Variants in CELF4 observed in about 807,000 individuals in gnomAD.
The protein encoded by CELF4 is CUG-BP- and ETR-3-like factor 4.
A neutral mutation model predicts 59.9 loss-of-function variants in CELF4; 18 were observed. The ratio of observed to expected loss-of-function variants is 0.30; its 90% CI spans 0.21 to 0.45. The LOEUF is 0.45. Ranked by LOEUF, CELF4 falls within the 20% of genes least tolerant of loss-of-function variation. The pLI is 1.00. For missense variants in CELF4, 456 were observed against 689.0 expected (o/e 0.66, Z 3.79); for synonymous variants, 261 against 267.1 (o/e 0.98, Z 0.22).
At chr18:37,363,315 C>T (rs1188122183) in intron 2 of CELF4, among the ~76,000 whole-genome samples, 1 of 152,198 alleles carries the variant, frequency 6.6e-6, no homozygotes, top group Non-Finnish European at 1.5e-5. Context: ...AAATTTATCA[C>T]CTACCAGGAC....
At chr18:37,460,403 C>T (rs1193286064) in intron 2 of CELF4, among the ~76,000 whole-genome samples, 5 of 152,298 alleles carry the variant, frequency 3.3e-5, no homozygotes, top group Admixed American at 1.3e-4. Context: ...CTGAGGACAT[C>T]GTGCAGCCCA....
At chr18:37,463,487 T>C (rs2099799370) in intron 2 of CELF4, among the ~76,000 whole-genome samples, 1 of 152,176 alleles carries the variant, frequency 6.6e-6, no homozygotes, top group Non-Finnish European at 1.5e-5. Flanking sequence ...TTTCCAGAAG[T>C]GTATCTCAAG....
At chr18:37,329,393 C>T (rs1450946455) in intron 2 of CELF4, among the ~76,000 whole-genome samples, 3 of 152,240 alleles carry the variant, frequency 2.0e-5, no homozygotes, top group African/African-American at 2.4e-5. Flanking sequence ...TCTGAGAAGT[C>T]GAGCCAGACA....
chr18:37,386,241 T>C (rs888145272), intron 2 of CELF4, among the ~76,000 whole-genome samples: 5 of 152,184 alleles, frequency 3.3e-5, no homozygotes, highest in Non-Finnish European at 7.3e-5. Context: ...ATGTGATGTG[T>C]TGAAATAAAC....
intron 1 of CELF4, among the ~76,000 whole-genome samples, chr18:37,525,882 G>A (rs958890882): frequency 6.6e-6 from 1 of 152,110 alleles, no homozygotes. Flanking sequence ...GTGTGGCCGC[G>A]ACCTGTAGGA....
chr18:37,454,942 G>T (rs1005275180), intron 2 of CELF4, among the ~76,000 whole-genome samples: 1 of 152,118 alleles, frequency 6.6e-6, no homozygotes, highest in Non-Finnish European at 1.5e-5. Context: ...CGAGGACATG[G>T]GTCCCTATCC....
chr18:37,450,726 CT>C (rs2099761140), intron 2 of CELF4, among the ~76,000 whole-genome samples: 1 of 152,114 alleles, frequency 6.6e-6, no homozygotes, highest in Non-Finnish European at 1.5e-5. Context: ...CCCCAGATGC[CT>C]TCCCCTCCCC....
At chr18:37,327,111 T>C (rs2097344236) in intron 2 of CELF4, among the ~76,000 whole-genome samples, 1 of 152,166 alleles carries the variant, frequency 6.6e-6, no homozygotes, top group Non-Finnish European at 1.5e-5. Context: ...CTGTGGCTTG[T>C]GGGCAGACAG....
rs551325616 is a variant in CELF4, at chr18:37,385,220, T to C, written c.370-63339A>G. ...AAAATTAGCCGGGTGTGGTGGCATG[T>C]GCCTGTAATCCCAGCTACTCCGGAG... On this transcript the variant is annotated intron_variant, in intron 2 of 12. Transcript: ENST00000420428. Among the ~76,000 whole-genome samples, 29 of 152,016 alleles carry C rather than the reference T, an allele frequency of 1.9e-4. No individual in the cohort carries two copies. In the South Asian group the frequency reaches 4.6e-3, roughly 24 times the overall value.
chr18:37,446,216 C>T (rs1021653288), intron 2 of CELF4, among the ~76,000 whole-genome samples: 1 of 152,196 alleles, frequency 6.6e-6, no homozygotes, highest in Non-Finnish European at 1.5e-5. Context: ...ATAAATGCTA[C>T]AGCCATGCCA....
chr18:37,310,256 G>A (rs2096596931), intron 3 of CELF4, among the ~76,000 whole-genome samples: 1 of 152,072 alleles, frequency 6.6e-6, no homozygotes, highest in Admixed American at 6.5e-5. Flanking sequence ...GGGACCAGAG[G>A]GCTTGGCGGG....
chr18:37,427,256 A>C (rs1265753583), intron 2 of CELF4, among the ~76,000 whole-genome samples: 1 of 152,148 alleles, frequency 6.6e-6, no homozygotes, highest in Non-Finnish European at 1.5e-5. Context: ...TCCTGAACAC[A>C]TTCTTGTTCT....
At chr18:37,295,679 C>A (rs2095597897) in intron 3 of CELF4, among the ~76,000 whole-genome samples, 1 of 152,220 alleles carries the variant, frequency 6.6e-6, no homozygotes, top group African/African-American at 2.4e-5. Flanking sequence ...CACCTACAAT[C>A]AAACAGTTAG....
At chr18:37,482,206 C>T (rs2099869736) in intron 2 of CELF4, among the ~76,000 whole-genome samples, 1 of 152,122 alleles carries the variant, frequency 6.6e-6, no homozygotes, top group Admixed American at 6.5e-5. Flanking sequence ...GAACGTCTGG[C>T]ACACAGGAAA....
chr18:37,327,689 C>T (rs1023941368), intron 2 of CELF4, among the ~76,000 whole-genome samples: 12 of 152,138 alleles, frequency 7.9e-5, no homozygotes, highest in Non-Finnish European at 1.3e-4. Flanking sequence ...GGGGTCCACT[C>T]CTGCACTCAT....
At chr18:37,444,895 G>A (rs1374375396) in intron 2 of CELF4, among the ~76,000 whole-genome samples, 1 of 152,190 alleles carries the variant, frequency 6.6e-6, no homozygotes, top group Non-Finnish European at 1.5e-5. Context: ...AATAAAGGGA[G>A]TTTCCAGGAG....
At chr18:37,287,804 T>C (rs941142066) in intron 3 of CELF4, among the ~76,000 whole-genome samples, 2 of 152,182 alleles carry the variant, frequency 1.3e-5, no homozygotes, top group Non-Finnish European at 2.9e-5. Context: ...GATTAATAGA[T>C]GCTAGATATC....
chr18:37,513,988 C>T (rs910801362), intron 1 of CELF4, among the ~76,000 whole-genome samples: 4 of 142,976 alleles, frequency 2.8e-5, no homozygotes, highest in African/African-American at 7.8e-5. Flanking sequence ...GTGTGTATAC[C>T]TTCTGACAGA....
At chr18:37,447,339 C>T (rs970644546) in intron 2 of CELF4, among the ~76,000 whole-genome samples, 3 of 152,218 alleles carry the variant, frequency 2.0e-5, no homozygotes, top group African/African-American at 7.2e-5. Context: ...CTTGTTGCAT[C>T]CTCCCCATAG....
Sources: allele counts gnomAD v4.1 joint callset (sites outside exome capture counted in the v4.1 genomes callset), GRCh38; gene constraint gnomAD v4.1.1; transcripts MANE v1.5; gene names NCBI Gene and HGNC (gene_info 2026-07-23, HGNC 2026-07-21).